The following BANP variants were observed in gnomAD, a reference collection of about 807,000 sequenced individuals.
BANP encodes the protein protein BANP.
BANP carries 11 observed loss-of-function variants against 68.1 expected under a neutral mutation model. The observed-to-expected ratio is 0.16, with a 90% CI of 0.10 to 0.27. BANP has a LOEUF of 0.27. Among genes scored for constraint, BANP ranks in the 10% least tolerant of loss-of-function variants. BANP has a pLI of 1.00. For missense variants in BANP, 504 were observed against 722.7 expected (o/e 0.70, Z 3.47); for synonymous variants, 329 against 303.2 (o/e 1.09, Z -0.88).
Position 87,980,793 on chromosome 16 carries a change from G to A in BANP, c.71-243G>A. Reference sequence around the variant, plus strand: ...GGAGTCAGAAGTCAGAAGCTTGCAGGTTTGGAGTTAGGACTGACTCAGTGG... The same window carrying A: ...GGAGTCAGAAGTCAGAAGCTTGCAGATTTGGAGTTAGGACTGACTCAGTGG... On this transcript the variant is annotated intron_variant, in intron 2 of 13. Transcript: ENST00000682872. 6.2e-6 allele frequency: 3 copies of A among 487,252 alleles called. No individual in the cohort carries two copies. In the South Asian group the frequency reaches 6.8e-5, roughly 11 times the overall value. The allele number at this position is 487,252 out of a possible 1,614,324, so 30.2% of individuals were successfully genotyped here.
intron 13 of BANP, among the ~76,000 whole-genome samples, chr16:88,074,434 AGG>A (rs895150744): frequency 6.6e-6 from 1 of 151,230 alleles, no homozygotes; most frequent in Non-Finnish European, 1.5e-5. Context: ...TTGGGAGGGT[AGG>A]GGGGTGCCAT....
chr16:88,020,091 A>C (rs980672683), intron 7 of BANP, among the ~76,000 whole-genome samples: 4 of 152,196 alleles, frequency 2.6e-5, no homozygotes, highest in African/African-American at 9.7e-5. Context: ...GGGCCTCCTC[A>C]CAGCTTCTCA....
In BANP at chr16:87,961,503, A is replaced by G. The variant is rs905854707; in HGVS notation, c.-69+9988A>G. Among the ~76,000 whole-genome samples the G allele has an allele frequency of 3.3e-5, 5 of 152,178 alleles. No homozygotes were observed. In the East Asian group the frequency reaches 7.7e-4, roughly 23 times the overall value. On this transcript the variant is annotated intron_variant, in intron 1 of 13. Transcript: ENST00000682872. ...TGTCATATGCATCGACCAAAACAACATATCGGAGCAGACCACCGGTGGAAG... is the reference window on the plus strand; with the variant it reads ...TGTCATATGCATCGACCAAAACAACGTATCGGAGCAGACCACCGGTGGAAG...
In BANP at chr16:88,057,795, CCCGCA is replaced by C. The variant is rs2085508404; in HGVS notation, c.1312-7469_1312-7465del. Among the ~76,000 whole-genome samples the C allele has an allele frequency of 6.6e-6, 1 of 151,978 alleles. No homozygotes were observed. Among genetic ancestry groups the C allele is most frequent in the African/African-American group, 2.4e-5 (1 of 41,342 alleles). ...TGCAGTGACTCGCGCTGGCCCTGTC[CCCGCA>C]CCCTGGACTCCAGGGCAAGTGGTGC... On this transcript the variant is annotated intron_variant, in intron 11 of 13. Transcript: ENST00000682872. The surrounding 1 kb of genome is among the most constrained non-coding windows in gnomAD (Gnocchi z 4.6).
intron 4 of BANP, among the ~76,000 whole-genome samples, chr16:87,985,195 T>C (rs1319917228): frequency 6.6e-6 from 1 of 152,176 alleles, no homozygotes; most frequent in Non-Finnish European, 1.5e-5. Flanking sequence ...CAGCTCCACA[T>C]GACGGCTGCT....
In BANP at chr16:87,957,687, T is replaced by A. The variant is rs2058363711; in HGVS notation, c.-69+6172T>A. 6.6e-6 allele frequency among the ~76,000 whole-genome samples: 1 copy of A among 152,230 alleles called. No individual in the cohort carries two copies. The highest frequency in any genetic ancestry group is 1.5e-5 in the Non-Finnish European group (1 of 68,038). ...AATCTTTCTGAAAGTAGAAACGCGT[T>A]TGGATGGAGCCGGGAGGGAGAACTG... On this transcript the variant is annotated intron_variant, in intron 1 of 13. Coordinates refer to ENST00000682872, the MANE Select transcript of BANP (RefSeq NM_001386991.1). This position sits in a 1 kb window ranked among gnomAD's most constrained non-coding sequence, Gnocchi z 4.3.
At chr16:88,039,030 C>T (rs183649284) in intron 11 of BANP, among the ~76,000 whole-genome samples, 61 of 152,314 alleles carry the variant, frequency 4.0e-4, no homozygotes, top group African/African-American at 1.2e-3. Flanking sequence ...ACTCCCAGAG[C>T]GAGGTGCTTT....
At chr16:87,969,053 G>A (rs187588888) in intron 1 of BANP, among the ~76,000 whole-genome samples, 2 of 152,138 alleles carry the variant, frequency 1.3e-5, no homozygotes, top group South Asian at 2.1e-4. Flanking sequence ...AAAGCATGTC[G>A]TCTGCACTGC....
intron 11 of BANP, among the ~76,000 whole-genome samples, chr16:88,048,275 A>C (rs533207530): frequency 3.3e-5 from 5 of 152,348 alleles, no homozygotes; most frequent in South Asian, 4.1e-4. Flanking sequence ...GGAAGCATCT[A>C]ATCATTTGGA....
chr16:87,989,836 G>T (rs555588316), intron 4 of BANP, among the ~76,000 whole-genome samples: 1 of 113,362 alleles, frequency 8.8e-6, no homozygotes, highest in Non-Finnish European at 1.8e-5. Flanking sequence ...GGTGATGGGG[G>T]ATGCAGGCCC....
intron 4 of BANP, among the ~76,000 whole-genome samples, chr16:87,985,737 G>A (rs570079238): frequency 6.6e-6 from 1 of 152,182 alleles, no homozygotes; most frequent in Non-Finnish European, 1.5e-5. Flanking sequence ...TGGTGACCGG[G>A]GGGCAGTCCC....
At chr16:88,050,424 C>T (rs1358627396) in intron 11 of BANP, among the ~76,000 whole-genome samples, 2 of 151,952 alleles carry the variant, frequency 1.3e-5, no homozygotes, top group African/African-American at 4.8e-5. Context: ...CCAGGGTGCT[C>T]GGGTTACAGG....
intron 4 of BANP, among the ~76,000 whole-genome samples, chr16:87,996,392 G>C (rs1390252992): frequency 2.0e-5 from 3 of 152,132 alleles, no homozygotes; most frequent in African/African-American, 7.2e-5. Context: ...TGAAGTGCCG[G>C]CTGGGCCCTC....
intron 7 of BANP, among the ~76,000 whole-genome samples, chr16:88,024,500 C>T (rs987436920): frequency 6.6e-6 from 1 of 152,260 alleles, no homozygotes; most frequent in African/African-American, 2.4e-5. Flanking sequence ...TTTTCCCGCT[C>T]CCTGTTAAGT....
At chr16:87,977,213 G>A (rs1246725269) in intron 2 of BANP, among the ~76,000 whole-genome samples, 1 of 152,184 alleles carries the variant, frequency 6.6e-6, no homozygotes, top group African/African-American at 2.4e-5. Context: ...AGGAGATTGA[G>A]ACCATCCTGG....
At chr16:87,975,332 C>A (rs1883365496) in intron 2 of BANP, 147 bp downstream of exon 2, 2 of 773,444 alleles carry the variant, frequency 2.6e-6, no homozygotes, top group Admixed American at 2.3e-5. Context: ...GATGTGAACA[C>A]TGTCGGCCCC....
At chr16:87,988,330 C>T (rs375536954) in intron 4 of BANP, among the ~76,000 whole-genome samples, 37 of 152,294 alleles carry the variant, frequency 2.4e-4, no homozygotes, top group African/African-American at 8.7e-4. Flanking sequence ...ATGGCATGAT[C>T]TTGGCTCACT....
intron 1 of BANP, among the ~76,000 whole-genome samples, chr16:87,954,140 C>T (rs11641425): frequency 2.0e-5 from 3 of 152,244 alleles, no homozygotes; most frequent in Non-Finnish European, 4.4e-5. Context: ...TTGTGATGGA[C>T]GTTCTAGGTG....
chr16:88,076,693 G>A lies in BANP; in HGVS notation c.*32G>A, dbSNP rs73235273. 6.3e-6 allele frequency: 10 copies of A among 1,587,960 alleles called. No individual in the cohort carries two copies. In the African/African-American group the frequency reaches 8.1e-5, roughly 13 times the overall value. ...CCCATGGCACCAGGAGCCCCTCGCC[G>A]GCTCCGCCTACGGCCCGGCCCCCAC... On this transcript the variant is annotated 3_prime_UTR_variant, in exon 14 of 14. Coordinates refer to ENST00000682872, the MANE Select transcript of BANP (RefSeq NM_001386991.1).
Sources: allele counts gnomAD v4.1 joint callset (sites outside exome capture counted in the v4.1 genomes callset), GRCh38; gene constraint gnomAD v4.1.1; non-coding constraint Gnocchi (gnomAD v3.1); transcripts MANE v1.5; gene names NCBI Gene and HGNC (gene_info 2026-07-23, HGNC 2026-07-21).